The following RAB3GAP2 variants were observed in gnomAD, a reference collection of about 807,000 sequenced individuals.
The protein encoded by RAB3GAP2 is rab3 GTPase-activating protein non-catalytic subunit.
In RAB3GAP2, 87 loss-of-function variants were observed where a neutral mutation model predicts 185.3. The ratio of observed to expected loss-of-function variants is 0.47; its 90% CI spans 0.39 to 0.56. The LOEUF is 0.56. Ranked by LOEUF, RAB3GAP2 falls within the 20% of genes least tolerant of loss-of-function variation. The pLI, the probability that RAB3GAP2 is intolerant of heterozygous loss-of-function variation, is 0.00. For synonymous variants in RAB3GAP2, 554 were observed against 576.1 expected, an observed-to-expected ratio of 0.96 and a Z score of 0.55; for missense variants, 1,492 against 1,638.2, an observed-to-expected ratio of 0.91 and a Z score of 1.54.
intron 21 of RAB3GAP2, among the ~76,000 whole-genome samples, chr1:220,178,936 A>AATG (rs1267721767): frequency 6.6e-6 from 1 of 151,942 alleles, no homozygotes; most frequent in Non-Finnish European, 1.5e-5. Flanking sequence ...TAATAATAAT[A>AATG]AAAAAAAGAC....
intron 24 of RAB3GAP2, among the ~76,000 whole-genome samples, chr1:220,170,453 A>G (rs1658153454): frequency 6.6e-6 from 1 of 152,226 alleles, no homozygotes; most frequent in South Asian, 2.1e-4. Flanking sequence ...TGCAAAAAAA[A>G]AAAGGATATT....
chr1:220,162,831 A>T (rs1326525301), intron 27 of RAB3GAP2, among the ~76,000 whole-genome samples: 2 of 152,188 alleles, frequency 1.3e-5, no homozygotes, highest in African/African-American at 4.8e-5. Context: ...AAACACTAGA[A>T]ACAATCCCAA....
chr1:220,191,945 C>T (rs1658631967), intron 13 of RAB3GAP2, among the ~76,000 whole-genome samples: 1 of 152,096 alleles, frequency 6.6e-6, no homozygotes, highest in Admixed American at 6.6e-5. Flanking sequence ...GGTTACAGGA[C>T]GATGGGAGGA....
intron 7 of RAB3GAP2, among the ~76,000 whole-genome samples, chr1:220,208,589 G>C (rs772722589): frequency 8.5e-5 from 13 of 152,146 alleles, no homozygotes; most frequent in Non-Finnish European, 1.3e-4. Context: ...TACTGCCAAT[G>C]TAGTCCCCTA....
intron 17 of RAB3GAP2, 29 bp downstream of exon 17, chr1:220,189,674 A>G (rs1484770366): frequency 9.1e-6 from 14 of 1,545,248 alleles, no homozygotes; most frequent in Middle Eastern, 1.7e-4. Flanking sequence ...AGCTACTAGC[A>G]GGAAAGTTCG....
At chr1:220,174,019 CAAAAAAAAAA>C (rs398050108) in intron 21 of RAB3GAP2, among the ~76,000 whole-genome samples, 2 of 51,006 alleles carry the variant, frequency 3.9e-5, no homozygotes, top group African/African-American at 7.5e-5. Context: ...GACTCTGTCT[CAAAAAAAAAA>C]AAAAAAAAAG....
intron 21 of RAB3GAP2, among the ~76,000 whole-genome samples, chr1:220,181,753 C>T (rs1658410259): frequency 6.6e-6 from 1 of 152,088 alleles, no homozygotes; most frequent in Admixed American, 6.5e-5. Flanking sequence ...TGCTTGTTAA[C>T]ATTTACAGAA....
chr1:220,200,323 T>C (rs1418086306), intron 9 of RAB3GAP2, among the ~76,000 whole-genome samples: 2 of 152,192 alleles, frequency 1.3e-5, no homozygotes, highest in African/African-American at 4.8e-5. Context: ...CTTTACTCTC[T>C]ACCATAACCT....
At chr1:220,250,219 G>A (rs1158845477) in intron 1 of RAB3GAP2, among the ~76,000 whole-genome samples, 1 of 152,160 alleles carries the variant, frequency 6.6e-6, no homozygotes, top group Non-Finnish European at 1.5e-5. Flanking sequence ...CAAGGCTCTG[G>A]GAGCTCACCT....
At chr1:220,245,461 G>C (rs540210784) in intron 1 of RAB3GAP2, among the ~76,000 whole-genome samples, 56 of 152,322 alleles carry the variant, frequency 3.7e-4, no homozygotes, top group African/African-American at 1.3e-3. Flanking sequence ...TTTTCAGACA[G>C]GCTTAAAAAA....
chr1:220,245,997 C>A (rs1659804333), intron 1 of RAB3GAP2, among the ~76,000 whole-genome samples: 1 of 152,160 alleles, frequency 6.6e-6, no homozygotes, highest in South Asian at 2.1e-4. Flanking sequence ...GAAAGGACAT[C>A]CACACCGAAA....
rs1225518858 is a variant in RAB3GAP2 at position 220,191,140 on chromosome 1, C to G, written c.1415G>C (p.Arg472Thr). Residue 472 changes from arginine (R) to threonine (T), a missense_variant, in exon 14 of 35, where the codon AGG becomes ACG. Physicochemically the swap from Arg to Thr is moderately conservative, Grantham distance 71. Transcript: ENST00000358951. ...AQFLVIYAPR[R>T]GILEVWSTQQ... ...TGTGCTCCACACTTCTAAAATTCCC[C>G]TTCTTGGCGCATAGATCACAAGGAA... The G allele has an allele frequency of 1.6e-5, 26 of 1,613,964 alleles. No homozygotes were observed. Among genetic ancestry groups the G allele is most frequent in the Non-Finnish European group, 2.1e-5 (25 of 1,180,010 alleles).
At position 220,272,382 on chromosome 1, in the gene RAB3GAP2, C is replaced by G; in HGVS notation, c.-45G>C. On this transcript the variant is annotated 5_prime_UTR_variant, in exon 1 of 35. Coordinates refer to ENST00000358951, the MANE Select transcript of RAB3GAP2 (RefSeq NM_012414.4). ...ACGGCACTCACCTTACCTCACCACG[C>G]CCTGCCCCCTCCACCCCACTGCGGC... is the stretch of plus-strand genomic sequence containing the variant. The G allele has an allele frequency of 7.1e-7, 1 of 1,401,982 alleles. No homozygotes were observed. Among genetic ancestry groups the G allele is most frequent in the Non-Finnish European group, 1.0e-6 (1 of 1,003,250 alleles). 86.8% of individuals were successfully genotyped at this position (1,401,982 alleles called of 1,614,324 possible).
At position 220,172,666 on chromosome 1, in the gene RAB3GAP2, G is replaced by GT; in HGVS notation, c.2386dup (p.Thr796AsnfsTer15). ...CATCTTGCTCAGGAGGGACAGCATG[G>GT]TATGAAGACAGCAGATTGACTGTGG... On this transcript the variant is annotated frameshift_variant, in exon 22 of 35. Transcript: ENST00000358951. LOFTEE classifies it high-confidence loss of function. 6.2e-7 allele frequency: 1 copy of GT among 1,612,172 alleles called. No individual in the cohort carries two copies. Among genetic ancestry groups the GT allele is most frequent in the East Asian group, 2.2e-5 (1 of 44,856 alleles).
chr1:220,235,890 C>A (rs1450270941), intron 1 of RAB3GAP2, among the ~76,000 whole-genome samples: 1 of 152,158 alleles, frequency 6.6e-6, no homozygotes, highest in South Asian at 2.1e-4. Flanking sequence ...TGAAGGTTTA[C>A]CCATTCTCAA....
chr1:220,267,111 C>T (rs574235001), intron 1 of RAB3GAP2: 2 of 1,454,146 alleles, frequency 1.4e-6, no homozygotes, highest in African/African-American at 1.4e-5. Context: ...CAATTTCAAG[C>T]TCTCCAGCTG....
chr1:220,168,288 C>G (rs1171405831), intron 24 of RAB3GAP2, among the ~76,000 whole-genome samples: 1 of 152,010 alleles, frequency 6.6e-6, no homozygotes, highest in Non-Finnish European at 1.5e-5. Flanking sequence ...GATGGGGTTT[C>G]GCCATGTTGG....
chr1:220,262,450 C>T (rs999470734), intron 1 of RAB3GAP2, among the ~76,000 whole-genome samples: 3 of 152,092 alleles, frequency 2.0e-5, no homozygotes, highest in African/African-American at 7.2e-5. Flanking sequence ...AAATCTGAAA[C>T]TCTGTATCAT....
intron 1 of RAB3GAP2, chr1:220,266,818 A>T: frequency 6.3e-7 from 1 of 1,596,630 alleles, no homozygotes; most frequent in South Asian, 1.1e-5. Context: ...GGCTGGGAAC[A>T]TGCTTCAACA....
Sources: gnomAD v4.1 joint callset for allele counts (sites outside exome capture counted in the v4.1 genomes callset) on GRCh38, gnomAD v4.1.1 for gene constraint, MANE v1.5 for transcripts, NCBI Gene and HGNC (gene_info 2026-07-23, HGNC 2026-07-21) for gene names.